Variants in SLC13A2 observed in about 807,000 individuals in gnomAD.
SLC13A2 encodes solute carrier family 13 member 2.
Under a neutral mutation model 58.5 loss-of-function variants are expected in SLC13A2, and 40 were observed. The observed-to-expected ratio is 0.68, with a 90% CI of 0.53 to 0.89. The LOEUF is 0.89. Ranked by LOEUF, SLC13A2 falls within the 40% of genes least tolerant of loss-of-function variation. SLC13A2 has a pLI of 0.00. For missense variants in SLC13A2, 694 were observed against 772.6 expected (o/e 0.90, Z 1.21); for synonymous variants, 341 against 331.6 (o/e 1.03, Z -0.31).
intron 1 of SLC13A2, among the ~76,000 whole-genome samples, chr17:28,477,394 C>T (rs975738051): frequency 4.0e-5 from 6 of 151,632 alleles, no homozygotes; most frequent in African/African-American, 7.3e-5. Context: ...CGGGGTTTCA[C>T]CGTGTTAGCC....
chr17:28,479,902 C>T (rs2068753456), intron 1 of SLC13A2, among the ~76,000 whole-genome samples: 1 of 152,160 alleles, frequency 6.6e-6, no homozygotes, highest in Non-Finnish European at 1.5e-5. Context: ...TGCCTGCAAT[C>T]CCAGCACTTT....
Position 28,497,147 on chromosome 17 carries a change from C to G in SLC13A2, c.1657C>G (p.Leu553Val), listed in dbSNP as rs782666857. The G allele has an allele frequency of 6.2e-7, 1 of 1,614,038 alleles. No individual in the cohort carries two copies. Among genetic ancestry groups the G allele is most frequent in the East Asian group, 2.2e-5 (1 of 44,852 alleles). The change falls in exon 12 of 12, where the codon CTG becomes GTG. Residue 553 changes from leucine to valine, a missense_variant. Leu to Val is a conservative substitution (Grantham distance 32). Coordinates refer to ENST00000314669, the MANE Select transcript of SLC13A2 (RefSeq NM_003984.4). ...LNIIGVLIIA[L>V]AINSWGIPLF... is the part of the protein sequence containing the mutation. ...CATCATTGGAGTCCTGATCATCGCA[C>G]TGGCCATCAACAGCTGGGGCATCCC...
At chr17:28,477,397 T>C (rs986241791) in intron 1 of SLC13A2, among the ~76,000 whole-genome samples, 3 of 151,692 alleles carry the variant, frequency 2.0e-5, no homozygotes, top group Non-Finnish European at 4.4e-5. Context: ...GGTTTCACCG[T>C]GTTAGCCAGG....
rs191712430 is a variant in SLC13A2, at chr17:28,482,254, T to C, written c.103-6960T>C. 4.9e-3 allele frequency among the ~76,000 whole-genome samples: 752 copies of C among 152,164 alleles called. 2 individuals carry two copies. Among genetic ancestry groups the C allele is most frequent in the Non-Finnish European group, 7.1e-3 (486 of 68,002 alleles). On this transcript the variant is annotated intron_variant, in intron 1 of 11. Transcript: ENST00000314669. ...TTTTAGTAGAGACAGTGTTTCGCCATGTTGCCCAGGCTGGTTTGAACTCCT... is the reference window on the plus strand; with the variant it reads ...TTTTAGTAGAGACAGTGTTTCGCCACGTTGCCCAGGCTGGTTTGAACTCCT...
At chr17:28,482,684 G>A (rs1555601334) in intron 1 of SLC13A2, among the ~76,000 whole-genome samples, 1 of 152,148 alleles carries the variant, frequency 6.6e-6, no homozygotes, top group Non-Finnish European at 1.5e-5. Flanking sequence ...TCCTCTCAGG[G>A]CAGACAAGGC....
intron 2 of SLC13A2, chr17:28,490,246 C>T: frequency 6.8e-7 from 1 of 1,462,014 alleles, no homozygotes; most frequent in Non-Finnish European, 9.1e-7. Flanking sequence ...TGCATTCCAG[C>T]CTGGGCAACA....
At chr17:28,484,420 G>A (rs544101539) in intron 1 of SLC13A2, among the ~76,000 whole-genome samples, 1 of 152,252 alleles carries the variant, frequency 6.6e-6, no homozygotes, top group Non-Finnish European at 1.5e-5. Context: ...CCAGAGGGAG[G>A]ATGCAGTATT....
chr17:28,479,083 G>A (rs2068739104), intron 1 of SLC13A2, among the ~76,000 whole-genome samples: 1 of 152,150 alleles, frequency 6.6e-6, no homozygotes, highest in African/African-American at 2.4e-5. Context: ...GTGTGGTGGT[G>A]TGTGCCTGTG....
chr17:28,482,187 G>A (rs528311131), intron 1 of SLC13A2, among the ~76,000 whole-genome samples: 2 of 151,458 alleles, frequency 1.3e-5, no homozygotes, highest in South Asian at 4.2e-4. Context: ...GCCCAGCTAA[G>A]TTTTTTTGTT....
In SLC13A2 at chr17:28,489,242, T is replaced by C; in HGVS notation, c.131T>C (p.Leu44Pro). Residue 44 changes from leucine (L) to proline (P), a missense_variant, in exon 2 of 12, where the codon CTC becomes CCC. Coordinates refer to ENST00000314669, the MANE Select transcript of SLC13A2 (RefSeq NM_003984.4). ...GCCTACTGCGCGTATGCCATCATCCTCATGGCGCTCTTCTGGTGCACTGAG... is the reference window on the plus strand; with the variant it reads ...GCCTACTGCGCGTATGCCATCATCCCCATGGCGCTCTTCTGGTGCACTGAG... The part of the protein sequence containing the change: ...KEAYCAYAII[L>P]MALFWCTEAL... The C allele has an allele frequency of 6.2e-7, 1 of 1,614,038 alleles. No homozygotes were observed. Among genetic ancestry groups the C allele is most frequent in the Non-Finnish European group, 8.5e-7 (1 of 1,180,018 alleles).
rs1362493543 is a variant in SLC13A2 at position 28,497,545 on chromosome 17, C to T, written c.*276C>T. The T allele has an allele frequency of 2.0e-5, 10 of 493,882 alleles. No individual in the cohort carries two copies. The East Asian group carries it at 2.9e-4, about 14-fold the overall frequency. 30.6% of individuals were successfully genotyped at this position (493,882 alleles called of 1,614,324 possible). A position where few individuals can be genotyped will look rare whatever the true frequency, so the allele number is the denominator to read the frequency against. On this transcript the variant is annotated 3_prime_UTR_variant, in exon 12 of 12. Transcript: ENST00000314669. ...GAGGCTATCTGAGGGGGGCTGTGTG[C>T]ATGCACATGATCCTAGGTATGTATG...
chr17:28,473,666 C>A lies in SLC13A2; in HGVS notation c.-47C>A. On this transcript the variant is annotated 5_prime_UTR_variant, in exon 1 of 12. Transcript: ENST00000314669. ...GCTGCATCTTTGGTCCTTCTGTTACCCAGCTCCTGGAGGCAGTGGCTGTAG... is the reference window on the plus strand; with the variant it reads ...GCTGCATCTTTGGTCCTTCTGTTACACAGCTCCTGGAGGCAGTGGCTGTAG... 1.4e-6 allele frequency: 2 copies of A among 1,465,262 alleles called. No homozygotes were observed. Among genetic ancestry groups the A allele is most frequent in the Non-Finnish European group, 1.9e-6 (2 of 1,050,658 alleles). The allele number at this position is 1,465,262 out of a possible 1,614,324, so 90.8% of individuals were successfully genotyped here. A position where few individuals can be genotyped will look rare whatever the true frequency, so the allele number is the denominator to read the frequency against.
intron 1 of SLC13A2, among the ~76,000 whole-genome samples, chr17:28,482,813 G>T (rs2068808541): frequency 6.6e-6 from 1 of 152,120 alleles, no homozygotes; most frequent in South Asian, 2.1e-4. Flanking sequence ...CCCGCTCAAG[G>T]TTCCCTCTCT....
At chr17:28,480,630 G>C (rs781796181) in intron 1 of SLC13A2, among the ~76,000 whole-genome samples, 15 of 152,188 alleles carry the variant, frequency 9.9e-5, no homozygotes, top group East Asian at 1.9e-4. Context: ...GGGGTGTTGT[G>C]AAGATGAGCT....
In SLC13A2 at chr17:28,473,928, G is replaced by A. The variant is rs145828846; in HGVS notation, c.102+114G>A. 1.9e-5 allele frequency: 16 copies of A among 846,480 alleles called. No homozygotes were observed. The East Asian group carries it at 3.5e-4, about 19-fold the overall frequency. 52.4% of individuals were successfully genotyped at this position (846,480 alleles called of 1,614,324 possible). A position where few individuals can be genotyped will look rare whatever the true frequency, so the allele number is the denominator to read the frequency against. ...ATAACTTCCTCACTGCCCCTGCCCT[G>A]GAAGTGAGGCTATCGCCCCCTGCTC... On this transcript the variant is annotated intron_variant, in intron 1 of 11. Coordinates refer to ENST00000314669, the MANE Select transcript of SLC13A2 (RefSeq NM_003984.4).
In SLC13A2 at chr17:28,497,580, G is replaced by T; in HGVS notation, c.*311G>T. 1 of 340,794 alleles carries T rather than the reference G, an allele frequency of 2.9e-6. No individual in the cohort carries two copies. The highest frequency in any genetic ancestry group is 5.4e-6 in the Non-Finnish European group (1 of 184,916). 21.1% of individuals were successfully genotyped at this position (340,794 alleles called of 1,614,324 possible). A position where few individuals can be genotyped will look rare whatever the true frequency, so the allele number is the denominator to read the frequency against. On this transcript the variant is annotated 3_prime_UTR_variant, in exon 12 of 12. Transcript: ENST00000314669. ...ATCCTAGGTATGTATGTTGGACAGTGCACACGTGTGTGTTCACAGACAATA... is the reference window on the plus strand; with the variant it reads ...ATCCTAGGTATGTATGTTGGACAGTTCACACGTGTGTGTTCACAGACAATA...
chr17:28,485,130 G>T (rs1477784312), intron 1 of SLC13A2, among the ~76,000 whole-genome samples: 3 of 152,228 alleles, frequency 2.0e-5, no homozygotes, highest in African/African-American at 4.8e-5. Context: ...CACCCTGCTG[G>T]CCTGGGGAAG....
rs190191143 is a variant in SLC13A2, at chr17:28,496,078, C to A, written c.1470+262C>A. On this transcript the variant is annotated intron_variant, in intron 10 of 11. Coordinates refer to ENST00000314669, the MANE Select transcript of SLC13A2 (RefSeq NM_003984.4). The surrounding 1 kb of genome is among the most constrained non-coding windows in gnomAD (Gnocchi z 4.2). ...CCTGGTGGCCTCACCCACCTCCCCA[C>A]CCCAGTCCCTGTTCTGGTCATTCCT... Among the ~76,000 whole-genome samples, 5 of 152,304 alleles carry A rather than the reference C, an allele frequency of 3.3e-5. No homozygotes were observed. Among genetic ancestry groups the A allele is most frequent in the African/African-American group, 1.2e-4 (5 of 41,572 alleles).
Position 28,496,386 on chromosome 17 carries a change from G to T in SLC13A2, c.1471-64G>T, listed in dbSNP as rs933373901. 1.3e-6 allele frequency: 2 copies of T among 1,531,620 alleles called. No homozygotes were observed. The highest frequency in any genetic ancestry group is 1.8e-6 in the Non-Finnish European group (2 of 1,135,882). 94.9% of individuals were successfully genotyped at this position (1,531,620 alleles called of 1,614,324 possible). ...TCCCCAGAGAAGCAGGAGAATTGGG[G>T]GCCATGCCCCTCCCTCTGGCTTGGG... is the stretch of plus-strand genomic sequence containing the variant. On this transcript the variant is annotated intron_variant, in intron 10 of 11. Transcript: ENST00000314669. The surrounding 1 kb of genome is among the most constrained non-coding windows in gnomAD (Gnocchi z 4.2).
Sources: gnomAD v4.1 joint callset for allele counts (sites outside exome capture counted in the v4.1 genomes callset) on GRCh38, gnomAD v4.1.1 for gene constraint, Gnocchi (gnomAD v3.1) non-coding constraint, MANE v1.5 for transcripts, NCBI Gene and HGNC (gene_info 2026-07-23, HGNC 2026-07-21) for gene names.